Variants in BRAF observed in about 807,000 individuals in gnomAD.
BRAF encodes the protein serine/threonine-protein kinase B-raf.
Under a neutral mutation model 104.6 loss-of-function variants are expected in BRAF, and 16 were observed. The ratio of observed to expected loss-of-function variants is 0.15; its 90% CI spans 0.10 to 0.23. The LOEUF (loss-of-function observed/expected upper bound fraction) is 0.23. Ranked by LOEUF, BRAF falls within the 10% of genes least tolerant of loss-of-function variation. The pLI, the probability that BRAF is intolerant of heterozygous loss-of-function variation, is 1.00. For synonymous variants in BRAF, 310 were observed against 341.6 expected, an observed-to-expected ratio of 0.91 and a Z score of 1.02; for missense variants, 541 against 937.3, an observed-to-expected ratio of 0.58 and a Z score of 5.52.
At chr7:140,895,071 TA>T (rs1814725687) in intron 1 of BRAF, among the ~76,000 whole-genome samples, 1 of 152,118 alleles carries the variant, frequency 6.6e-6, no homozygotes, top group South Asian at 2.1e-4. Context: ...GTAAAATCCC[TA>T]AATAAAAACC....
At chr7:140,825,183 T>A (rs1251285672) in intron 3 of BRAF, among the ~76,000 whole-genome samples, 1 of 152,058 alleles carries the variant, frequency 6.6e-6, no homozygotes, top group Non-Finnish European at 1.5e-5. Flanking sequence ...TTGGCCAGGC[T>A]GGTCTTGAAC....
At chr7:140,776,835 A>G (rs2129017979) in intron 14 of BRAF, 77 bp downstream of exon 13, 1 of 1,413,642 alleles carries the variant, frequency 7.1e-7, no homozygotes, top group Admixed American at 1.7e-5. Flanking sequence ...ATCCAAAAGA[A>G]TAGCAGCCAA....
intron 3 of BRAF, among the ~76,000 whole-genome samples, chr7:140,813,317 A>C (rs1804480492): frequency 6.6e-6 from 1 of 152,172 alleles, no homozygotes; most frequent in Non-Finnish European, 1.5e-5. Flanking sequence ...CTCAGAGGAA[A>C]GCAAACCCAA....
intron 17 of BRAF, chr7:140,741,325 AG>A (rs1270044337): frequency 6.6e-6 from 1 of 152,222 alleles, no homozygotes; most frequent in African/African-American, 2.4e-5. Context: ...CAGTTAAGTA[AG>A]TAACAGGATT....
At chr7:140,740,102 T>C (rs1276479227) in intron 17 of BRAF, 156 bp from the exon 17 acceptor site, 3 of 744,310 alleles carry the variant, frequency 4.0e-6, no homozygotes, top group Middle Eastern at 3.8e-4. Context: ...TGCCACATCA[T>C]AGATGGTGGG....
intron 1 of BRAF, among the ~76,000 whole-genome samples, chr7:140,871,923 A>G (rs1811635991): frequency 6.6e-6 from 1 of 152,186 alleles, no homozygotes; most frequent in African/African-American, 2.4e-5. Flanking sequence ...CAAAAATACT[A>G]AATTGCACAG....
At chr7:140,754,773 C>T (rs995535367) in intron 14 of BRAF, among the ~76,000 whole-genome samples, 44 of 152,062 alleles carry the variant, frequency 2.9e-4, no homozygotes, top group African/African-American at 8.0e-4. Context: ...GTTTTTTCAA[C>T]GTGCCTATGT....
chr7:140,800,319 G>A (rs778648085), intron 7 of BRAF, 43 bp downstream of exon 7: 19 of 1,613,232 alleles, frequency 1.2e-5, no homozygotes, highest in East Asian at 2.2e-5. Context: ...AAAAGAAAGC[G>A]GTTCAAGTAG....
intron 9 of BRAF, among the ~76,000 whole-genome samples, chr7:140,785,971 A>G (rs932877391): frequency 1.3e-5 from 2 of 152,220 alleles, no homozygotes; most frequent in African/African-American, 4.8e-5. Context: ...TGATTTTTTA[A>G]AAAGTGACTC....
At chr7:140,836,251 GT>G in intron 2 of BRAF, 1 of 152,196 alleles carries the variant, frequency 6.6e-6, no homozygotes, top group Non-Finnish European at 1.5e-5. Flanking sequence ...CAGCATCCCT[GT>G]TTTCTTAAAA....
intron 1 of BRAF, among the ~76,000 whole-genome samples, chr7:140,886,437 G>A (rs1813569406): frequency 6.6e-6 from 1 of 151,994 alleles, no homozygotes; most frequent in Non-Finnish European, 1.5e-5. Context: ...AAACTTCCTA[G>A]TACAGAGTGC....
intron 18 of BRAF, 104 bp downstream of exon 17, chr7:140,739,708 G>T: frequency 1.5e-6 from 2 of 1,352,978 alleles, no homozygotes; most frequent in South Asian, 1.2e-5. Flanking sequence ...TCTGCACATA[G>T]AATCCAAACT....
rs1445907871 is a variant in BRAF, at chr7:140,721,693, C to A, written c.*4801G>T. The A allele has an allele frequency of 6.5e-6, 10 of 1,533,636 alleles. No homozygotes were observed. The highest frequency in any genetic ancestry group is 7.9e-6 in the Non-Finnish European group (9 of 1,145,782). On this transcript the variant is annotated 3_prime_UTR_variant, in exon 20 of 20. Coordinates refer to ENST00000644969, the MANE Select transcript of BRAF (RefSeq NM_001374258.1). ...GCATCAGTAATCCATCCCAGTATAA[C>A]ATTTCAAGGATGTGCTGGAGACAAT...
intron 14 of BRAF, among the ~76,000 whole-genome samples, chr7:140,769,442 T>G (rs1799633295): frequency 6.6e-6 from 1 of 152,218 alleles, no homozygotes; most frequent in African/African-American, 2.4e-5. Flanking sequence ...TACTTGATCT[T>G]TGCTTTCTAA....
chr7:140,901,040 T>C (rs1054987846), intron 1 of BRAF, among the ~76,000 whole-genome samples: 1 of 152,212 alleles, frequency 6.6e-6, no homozygotes, highest in Non-Finnish European at 1.5e-5. Context: ...CACTCAGCAG[T>C]AGATTCTCCT....
chr7:140,838,661 T>C (rs1177445337), intron 2 of BRAF, among the ~76,000 whole-genome samples: 2 of 152,106 alleles, frequency 1.3e-5, no homozygotes, highest in Non-Finnish European at 2.9e-5. Context: ...AAAACAATCT[T>C]ATAAAAGAAA....
At chr7:140,800,026 A>C (rs1012065822) in intron 7 of BRAF, 1 of 406,252 alleles carries the variant, frequency 2.5e-6, no homozygotes, top group Non-Finnish European at 4.6e-6. Context: ...ATTTGGGGAA[A>C]AGATCCTTAA....
intron 3 of BRAF, among the ~76,000 whole-genome samples, chr7:140,833,490 G>A (rs2129061473): frequency 6.6e-6 from 1 of 152,262 alleles, no homozygotes; most frequent in South Asian, 2.1e-4. Context: ...CCCCTTTTAA[G>A]TGGGGCATCC....
chr7:140,891,757 G>GA (rs560518210), intron 1 of BRAF, among the ~76,000 whole-genome samples: 22 of 148,438 alleles, frequency 1.5e-4, no homozygotes, highest in African/African-American at 3.0e-4. Flanking sequence ...AGAAACCATT[G>GA]AAAAAAAAAA....
Sources: gnomAD v4.1 joint callset for allele counts (sites outside exome capture counted in the v4.1 genomes callset) on GRCh38, gnomAD v4.1.1 for gene constraint, MANE v1.5 for transcripts, NCBI Gene and HGNC (gene_info 2026-07-23, HGNC 2026-07-21) for gene names.